PARD3: variants seen among roughly 807,000 people sequenced by gnomAD.
The protein encoded by PARD3 is partitioning defective 3 homolog.
In PARD3, 75 loss-of-function variants were observed where a neutral mutation model predicts 155.4. The observed-to-expected ratio is 0.48, with a 90% CI of 0.40 to 0.58. The LOEUF is 0.58. Ranked by LOEUF, PARD3 falls within the 20% of genes least tolerant of loss-of-function variation. The pLI is 0.00. For missense variants in PARD3, 1,642 were observed against 1,721.7 expected (o/e 0.95, Z 0.82); for synonymous variants, 576 against 610.5 (o/e 0.94, Z 0.83).
chr10:34,451,007 A>C (rs950402869), intron 4 of PARD3, among the ~76,000 whole-genome samples: 1 of 152,196 alleles, frequency 6.6e-6, no homozygotes, highest in African/African-American at 2.4e-5. Flanking sequence ...TAACTCAAAC[A>C]TCAGGGGAAA....
chr10:34,231,227 C>T (rs540932114), intron 22 of PARD3, among the ~76,000 whole-genome samples: 1 of 124,398 alleles, frequency 8.0e-6, no homozygotes, highest in Admixed American at 9.5e-5. Context: ...GATATTTTTT[C>T]CTTTTGACAT....
chr10:34,337,332 C>G lies in PARD3; in HGVS notation c.2503G>C (p.Asp835His). The change falls in exon 17 of 25, where the codon GAT becomes CAT. Residue 835 changes from aspartate (D) to histidine (H), a missense_variant. Physicochemically the swap from Asp to His is moderately conservative, Grantham distance 81 (BLOSUM62 -1). Transcript: ENST00000374788. ...MSEKRTKQFS[D>H]ASQLDFVKTR... ...TTAACGAAATCCAATTGACTGGCAT[C>G]TGAAAATTGCTTTGTGCGTTTTTCT... is the stretch of plus-strand genomic sequence containing the variant. 6.2e-7 allele frequency: 1 copy of G among 1,602,644 alleles called. No homozygotes were observed. Among genetic ancestry groups the G allele is most frequent in the African/African-American group, 1.3e-5 (1 of 74,256 alleles).
At chr10:34,584,665 T>C in intron 2 of PARD3, among the ~76,000 whole-genome samples, 1 of 152,166 alleles carries the variant, frequency 6.6e-6, no homozygotes, top group Admixed American at 6.5e-5. Context: ...CTATTATTTT[T>C]CAGTTGAGAG....
At chr10:34,495,925 A>T (rs1162645903) in intron 3 of PARD3, among the ~76,000 whole-genome samples, 2 of 152,086 alleles carry the variant, frequency 1.3e-5, no homozygotes, top group African/African-American at 4.8e-5. Flanking sequence ...GGAAGAGGCT[A>T]GCCATGGTGG....
chr10:34,688,445 G>T (rs1257963572), intron 2 of PARD3, among the ~76,000 whole-genome samples: 1 of 152,162 alleles, frequency 6.6e-6, no homozygotes, highest in African/African-American at 2.4e-5. Flanking sequence ...TGCTCTAAAT[G>T]GTGGTGAAGA....
chr10:34,372,339 C>T (rs1431631762), intron 12 of PARD3, among the ~76,000 whole-genome samples, 159 bp downstream of exon 12: 1 of 152,042 alleles, frequency 6.6e-6, no homozygotes, highest in Non-Finnish European at 1.5e-5. Context: ...AACAGTAAGT[C>T]ACCTTAAAAT....
chr10:34,377,707 G>T (rs546281534), intron 10 of PARD3, among the ~76,000 whole-genome samples: 1 of 151,966 alleles, frequency 6.6e-6, no homozygotes, highest in African/African-American at 2.4e-5. Flanking sequence ...CAAGAGGATC[G>T]CCTGAGGCCA....
At chr10:34,794,414 C>A (rs1420479632) in intron 1 of PARD3, among the ~76,000 whole-genome samples, 1 of 152,194 alleles carries the variant, frequency 6.6e-6, no homozygotes, top group Non-Finnish European at 1.5e-5. Flanking sequence ...ACCAGGCACA[C>A]AAAAGTTAAT....
chr10:34,703,441 T>A (rs2094314201), intron 1 of PARD3, among the ~76,000 whole-genome samples: 1 of 136,264 alleles, frequency 7.3e-6, no homozygotes. Flanking sequence ...AAGTTGAAAA[T>A]ATCTCCCCTA....
At chr10:34,303,070 A>T (rs2033946) in intron 20 of PARD3, among the ~76,000 whole-genome samples, 87 of 18,572 alleles carry the variant, frequency 4.7e-3, no homozygotes, top group South Asian at 9.5e-3. Flanking sequence ...ACCAAGTTTT[A>T]AAAAAAAAAA....
intron 1 of PARD3, among the ~76,000 whole-genome samples, chr10:34,726,828 C>T (rs1373605939): frequency 6.6e-6 from 1 of 152,034 alleles, no homozygotes; most frequent in East Asian, 1.9e-4. Context: ...AAGGAAAGGC[C>T]AGCATTACAT....
intron 22 of PARD3, among the ~76,000 whole-genome samples, chr10:34,260,913 G>A (rs921688923): frequency 5.3e-5 from 8 of 152,194 alleles, no homozygotes; most frequent in South Asian, 2.1e-4. Flanking sequence ...TGACGCAACC[G>A]GATTCTGATT....
At chr10:34,519,386 C>T (rs1383029209) in intron 2 of PARD3, among the ~76,000 whole-genome samples, 1 of 151,948 alleles carries the variant, frequency 6.6e-6, no homozygotes, top group Non-Finnish European at 1.5e-5. Flanking sequence ...TCCAAGTTTT[C>T]TGAAGTATAA....
chr10:34,461,540 A>C (rs978863761), intron 4 of PARD3, among the ~76,000 whole-genome samples: 3 of 152,198 alleles, frequency 2.0e-5, no homozygotes, highest in Non-Finnish European at 4.4e-5. Flanking sequence ...CAGGAGGCAG[A>C]GGTTGCAGTG....
intron 1 of PARD3, among the ~76,000 whole-genome samples, chr10:34,727,711 A>G: frequency 6.6e-6 from 1 of 152,086 alleles, no homozygotes; most frequent in East Asian, 1.9e-4. Context: ...CACTGTTGCC[A>G]GAATAACATT....
At chr10:34,392,117 G>C (rs1842919514) in intron 7 of PARD3, among the ~76,000 whole-genome samples, 2 of 152,150 alleles carry the variant, frequency 1.3e-5, no homozygotes. Context: ...CTGGGTGACA[G>C]AGTGAGACCC....
At chr10:34,738,258 G>A (rs2067528518) in intron 1 of PARD3, among the ~76,000 whole-genome samples, 1 of 152,168 alleles carries the variant, frequency 6.6e-6, no homozygotes, top group South Asian at 2.1e-4. Context: ...ATAGCTGGAG[G>A]GAATGATCAG....
At chr10:34,622,546 A>G (rs1268170418) in intron 2 of PARD3, among the ~76,000 whole-genome samples, 1 of 152,226 alleles carries the variant, frequency 6.6e-6, no homozygotes, top group Non-Finnish European at 1.5e-5. Context: ...TGGGGGAGAA[A>G]GTCATTTCAG....
intron 20 of PARD3, among the ~76,000 whole-genome samples, chr10:34,309,547 C>CAAAAAAAAAAAAAAAAAA (rs1323865538): frequency 4.3e-5 from 2 of 46,628 alleles, no homozygotes; most frequent in African/African-American, 8.4e-5. Flanking sequence ...GACCCTGTCT[C>CAAAAAAAAAAAAAAAAAA]CAAAAAAAAA....
Sources: allele counts gnomAD v4.1 joint callset (sites outside exome capture counted in the v4.1 genomes callset), GRCh38; gene constraint gnomAD v4.1.1; transcripts MANE v1.5; gene names NCBI Gene and HGNC (gene_info 2026-07-23, HGNC 2026-07-21).